Variants in DLG2 observed in about 807,000 individuals in gnomAD.
DLG2 encodes discs large MAGUK scaffold protein 2, also known as disks large homolog 2.
Under a neutral mutation model 132.5 loss-of-function variants are expected in DLG2, and 45 were observed. The ratio of observed to expected loss-of-function variants is 0.34; its 90% CI spans 0.27 to 0.44. The LOEUF is 0.44. Among genes scored for constraint, DLG2 ranks in the 20% least tolerant of loss-of-function variants. DLG2 has a pLI of 1.00. For missense variants in DLG2, 1,045 were observed against 1,196.9 expected, an observed-to-expected ratio of 0.87 and a Z score of 1.87; for synonymous variants, 424 against 419.6, an observed-to-expected ratio of 1.01 and a Z score of -0.13.
intron 6 of DLG2, among the ~76,000 whole-genome samples, chr11:85,064,091 G>C (rs2064509328): frequency 1.3e-5 from 2 of 151,946 alleles, no homozygotes; most frequent in East Asian, 3.9e-4. Context: ...CTGAATGTCT[G>C]TCATATAATT....
intron 10 of DLG2, among the ~76,000 whole-genome samples, chr11:84,094,804 T>A (rs1351434025): frequency 1.3e-5 from 2 of 152,320 alleles, no homozygotes; most frequent in South Asian, 2.1e-4. Context: ...TTTGGGAGGA[T>A]ACAAATATTA....
At chr11:84,864,175 G>T (rs1254829443) in intron 6 of DLG2, among the ~76,000 whole-genome samples, 1 of 152,140 alleles carries the variant, frequency 6.6e-6, no homozygotes, top group Non-Finnish European at 1.5e-5. Context: ...TACACAGTAC[G>T]TTAAAAAGAG....
chr11:84,839,745 T>G (rs1006559922), intron 6 of DLG2, among the ~76,000 whole-genome samples: 6 of 152,120 alleles, frequency 3.9e-5, no homozygotes, highest in African/African-American at 7.2e-5. Context: ...GGGGAAAGGA[T>G]TCCCTATTTA....
chr11:84,374,080 C>T (rs1372024158), intron 7 of DLG2, among the ~76,000 whole-genome samples: 1 of 152,164 alleles, frequency 6.6e-6, no homozygotes, highest in Non-Finnish European at 1.5e-5. Context: ...CAAACTGAGT[C>T]AAATCCCAAA....
intron 3 of DLG2, among the ~76,000 whole-genome samples, chr11:85,370,772 A>C (rs2084914558): frequency 6.6e-6 from 1 of 152,178 alleles, no homozygotes; most frequent in Non-Finnish European, 1.5e-5. Context: ...CGTGTCCAGA[A>C]AAGAGAGGTA....
At chr11:84,240,279 T>C (rs922010318) in intron 8 of DLG2, among the ~76,000 whole-genome samples, 7 of 152,172 alleles carry the variant, frequency 4.6e-5, no homozygotes, top group Non-Finnish European at 1.0e-4. Flanking sequence ...AGCATAGACA[T>C]TCTAGCTCTG....
At chr11:84,696,826 C>CCTCTTACCA (rs1419735195) in intron 6 of DLG2, among the ~76,000 whole-genome samples, 19 of 151,434 alleles carry the variant, frequency 1.3e-4, no homozygotes, top group Non-Finnish European at 2.2e-4. Flanking sequence ...CCAAATGTCA[C>CCTCTTACCA]ATTGGTAAGT....
chr11:83,677,541 G>T (rs995733590), intron 18 of DLG2, among the ~76,000 whole-genome samples: 6 of 152,034 alleles, frequency 3.9e-5, no homozygotes, highest in South Asian at 4.2e-4. Flanking sequence ...AAAGTTGCAA[G>T]GTTTAGTAGT....
At chr11:84,235,022 C>T (rs1424732590) in intron 8 of DLG2, among the ~76,000 whole-genome samples, 2 of 152,292 alleles carry the variant, frequency 1.3e-5, no homozygotes, top group East Asian at 1.9e-4. Flanking sequence ...GGAAGCTTCA[C>T]CTGCCTAATA....
chr11:83,769,940 T>C (rs1694087117), intron 18 of DLG2, among the ~76,000 whole-genome samples: 1 of 152,140 alleles, frequency 6.6e-6, no homozygotes, highest in Non-Finnish European at 1.5e-5. Context: ...CTAAGTCTGT[T>C]GTCCTCTGGA....
Position 85,405,662 on chromosome 11 carries a change from C to T in DLG2, c.41-120297G>A, listed in dbSNP as rs140831777. On this transcript the variant is annotated intron_variant, in intron 3 of 27. Coordinates refer to ENST00000376104, the MANE Select transcript of DLG2 (RefSeq NM_001142699.3). ...TCCCATTTTACAGATTAGAAAGGGG[C>T]TTAGAGAGGTTAAATATTTTGTTCA... Among the ~76,000 whole-genome samples the T allele has an allele frequency of 1.7e-3, 255 of 152,058 alleles. 3 individuals carry two copies. The highest frequency in any genetic ancestry group is 5.9e-3 in the African/African-American group (243 of 41,506).
intron 7 of DLG2, among the ~76,000 whole-genome samples, chr11:84,337,655 C>G (rs2098493357): frequency 6.6e-6 from 1 of 152,114 alleles, no homozygotes; most frequent in Non-Finnish European, 1.5e-5. Context: ...TTTGGTACCT[C>G]TGACTAGGTC....
intron 6 of DLG2, among the ~76,000 whole-genome samples, chr11:85,036,652 C>A (rs1243625967): frequency 6.6e-6 from 1 of 152,122 alleles, no homozygotes; most frequent in Non-Finnish European, 1.5e-5. Context: ...ATTTATTATT[C>A]ATTCATTCAT....
intron 6 of DLG2, among the ~76,000 whole-genome samples, chr11:84,718,366 C>T (rs1227544323): frequency 1.3e-5 from 2 of 151,722 alleles, no homozygotes; most frequent in East Asian, 1.9e-4. Flanking sequence ...TTGTTAAATC[C>T]GAATACCAAA....
intron 3 of DLG2, among the ~76,000 whole-genome samples, chr11:85,302,662 AAAAC>A (rs1288125998): frequency 1.2e-4 from 18 of 152,104 alleles, no homozygotes; most frequent in African/African-American, 3.6e-4. Context: ...AAAAAAAAAA[AAAAC>A]AGTCAGTTAG....
At chr11:85,530,610 C>T (rs554143121) in intron 3 of DLG2, among the ~76,000 whole-genome samples, 3 of 152,122 alleles carry the variant, frequency 2.0e-5, no homozygotes, top group East Asian at 1.9e-4. Context: ...TACGAGCCAC[C>T]ACACCTGGCT....
intron 3 of DLG2, among the ~76,000 whole-genome samples, chr11:85,579,582 T>G (rs1025840686): frequency 6.6e-6 from 1 of 152,198 alleles, no homozygotes; most frequent in African/African-American, 2.4e-5. Context: ...TTGATAAGTA[T>G]GTGCAACTTT....
At chr11:84,799,400 T>G (rs192112738) in intron 6 of DLG2, among the ~76,000 whole-genome samples, 1 of 152,220 alleles carries the variant, frequency 6.6e-6, no homozygotes, top group African/African-American at 2.4e-5. Context: ...CTGCCGGAGG[T>G]TGGAAGAGGG....
At chr11:85,614,658 C>T (rs916056153) in intron 2 of DLG2, among the ~76,000 whole-genome samples, 10 of 152,064 alleles carry the variant, frequency 6.6e-5, no homozygotes, top group South Asian at 2.1e-4. Context: ...ATAAAACAAA[C>T]GTACAGTTCA....
Sources: gnomAD v4.1 joint callset for allele counts (sites outside exome capture counted in the v4.1 genomes callset) on GRCh38, gnomAD v4.1.1 for gene constraint, MANE v1.5 for transcripts, NCBI Gene and HGNC (gene_info 2026-07-23, HGNC 2026-07-21) for gene names.